The following TNRC18 variants were observed in gnomAD, a reference collection of about 807,000 sequenced individuals.
The protein encoded by TNRC18 is trinucleotide repeat containing 18, also known as trinucleotide repeat-containing gene 18 protein.
TNRC18 carries 69 observed loss-of-function variants against 226.7 expected under a neutral mutation model. The ratio of observed to expected loss-of-function variants is 0.30; its 90% CI spans 0.25 to 0.37. The LOEUF is 0.37. Ranked by LOEUF, TNRC18 falls within the 10% of genes least tolerant of loss-of-function variation. The pLI is 1.00. For missense variants in TNRC18, 4,754 were observed against 4,256.6 expected (o/e 1.12, Z -3.25); for synonymous variants, 2,449 against 1,927.6 (o/e 1.27, Z -7.09).
chr7:5,334,914 G>T (rs1789931229), intron 18 of TNRC18, among the ~76,000 whole-genome samples: 1 of 152,126 alleles, frequency 6.6e-6, no homozygotes, highest in African/African-American at 2.4e-5. Flanking sequence ...ACACAGCAGG[G>T]AAGGTGGGGC....
chr7:5,350,615 C>G (rs1791687497), intron 17 of TNRC18, among the ~76,000 whole-genome samples: 1 of 152,178 alleles, frequency 6.6e-6, no homozygotes, highest in Non-Finnish European at 1.5e-5. Flanking sequence ...AATCCTAAAA[C>G]CAGGGCTAGG....
At chr7:5,395,168 C>T (rs1020351222) in intron 2 of TNRC18, among the ~76,000 whole-genome samples, 1 of 152,182 alleles carries the variant, frequency 6.6e-6, no homozygotes, top group African/African-American at 2.4e-5. Context: ...CCAGGTCACA[C>T]AGCCAGAAAG....
rs1583710982 is a variant in TNRC18, at chr7:5,309,473, C to A, written c.8389-105G>T. 1 of 952,954 alleles carries A rather than the reference C, an allele frequency of 1.0e-6. No individual in the cohort carries two copies. Among genetic ancestry groups the A allele is most frequent in the South Asian group, 1.7e-5 (1 of 60,278 alleles). 59.0% of individuals were successfully genotyped at this position (952,954 alleles called of 1,614,324 possible). Reference sequence around the variant, plus strand: ...GACTCTGGGCCCTCGGCCTCTAAATCAACCCCTATCCAACTGTGGGGAGAT... The same window carrying A: ...GACTCTGGGCCCTCGGCCTCTAAATAAACCCCTATCCAACTGTGGGGAGAT... On this transcript the variant is annotated intron_variant, in intron 27 of 29. Coordinates refer to ENST00000430969, the MANE Select transcript of TNRC18 (RefSeq NM_001080495.3). The surrounding 1 kb of genome is among the most constrained non-coding windows in gnomAD (Gnocchi z 5.7).
At chr7:5,362,912 G>GC in intron 11 of TNRC18, 87 bp from the exon 12 acceptor site, 1 of 1,368,080 alleles carries the variant, frequency 7.3e-7, no homozygotes, top group Non-Finnish European at 9.6e-7. Context: ...GCAAGCGCAG[G>GC]CCCCAGGCCA....
chr7:5,323,712 C>A (rs546263386), intron 21 of TNRC18, among the ~76,000 whole-genome samples: 1 of 151,924 alleles, frequency 6.6e-6, no homozygotes, highest in African/African-American at 2.4e-5. Flanking sequence ...GGATTACAGG[C>A]GCCCGCCACC....
chr7:5,315,234 G>C (rs1188571923), intron 25 of TNRC18, 86 bp from the exon 26 acceptor site: 59 of 1,422,832 alleles, frequency 4.1e-5, no homozygotes, highest in Non-Finnish European at 5.3e-5. Flanking sequence ...CGGGGATCAG[G>C]GATGGGGGCG....
intron 24 of TNRC18, among the ~76,000 whole-genome samples, chr7:5,319,747 G>A (rs1788163587): frequency 6.6e-6 from 1 of 152,150 alleles, no homozygotes. Flanking sequence ...GACCTCAAGT[G>A]ATTCCACCCA....
At chr7:5,375,261 A>G (rs1277280475) in intron 9 of TNRC18, among the ~76,000 whole-genome samples, 2 of 152,190 alleles carry the variant, frequency 1.3e-5, no homozygotes, top group East Asian at 1.9e-4. Context: ...GTGACCCGAG[A>G]TAGTACCACT....
chr7:5,386,306 A>T (rs1779786352), intron 5 of TNRC18, among the ~76,000 whole-genome samples: 1 of 151,324 alleles, frequency 6.6e-6, no homozygotes, highest in African/African-American at 2.4e-5. Context: ...ACAAAAAAAA[A>T]GTGACACAGG....
At position 5,388,658 on chromosome 7, in the gene TNRC18, T is replaced by G; in HGVS notation, c.1166A>C (p.Gln389Pro). ...EAFDERPGPI[Q>P]IASQARDARA... is the part of the protein sequence containing the mutation. ...GGCATCGCGCGCCTGGGATGCGATC[T>G]GGATGGGCCCCGGGCGCTCGTCGAA... The change falls in exon 5 of 30, where the codon CAG becomes CCG. Residue 389 changes from glutamine to proline, a missense_variant. Transcript: ENST00000430969. 4 of 1,276,752 alleles carry G rather than the reference T, an allele frequency of 3.1e-6. No individual in the cohort carries two copies. Among genetic ancestry groups the G allele is most frequent in the Non-Finnish European group, 4.0e-6 (4 of 1,009,890 alleles). 79.1% of individuals were successfully genotyped at this position (1,276,752 alleles called of 1,614,324 possible).
In TNRC18 at chr7:5,409,935, G is replaced by A. The variant is rs544997272; in HGVS notation, c.187+11125C>T. Among the ~76,000 whole-genome samples, 33 of 149,594 alleles carry A rather than the reference G, an allele frequency of 2.2e-4. No homozygotes were observed. The East Asian group carries it at 6.3e-3, about 28-fold the overall frequency. On this transcript the variant is annotated intron_variant, in intron 2 of 29. Transcript: ENST00000430969. ...GAACCCGGGAGGTGGAGCTTGCAGT[G>A]AGCCGAGATCGCACCACTGCACTCC... is the stretch of plus-strand genomic sequence containing the variant.
chr7:5,410,739 G>C (rs967298898), intron 2 of TNRC18, among the ~76,000 whole-genome samples: 1 of 150,982 alleles, frequency 6.6e-6, no homozygotes, highest in Non-Finnish European at 1.5e-5. Flanking sequence ...GGTGGCATAA[G>C]CCTATAATCC....
intron 2 of TNRC18, among the ~76,000 whole-genome samples, chr7:5,409,848 A>C (rs1394606580): frequency 6.7e-6 from 1 of 149,092 alleles, no homozygotes; most frequent in Non-Finnish European, 1.5e-5. Flanking sequence ...AAAATTAGCC[A>C]GGCGTGGTGG....
rs1033937451 is a variant in TNRC18 at position 5,387,769 on chromosome 7, T to C, written c.2055A>G (p.Ala685=). The change falls in exon 5 of 30, where the codon GCA becomes GCG. Residue 685 remains alanine, a synonymous_variant. Coordinates refer to ENST00000430969, the MANE Select transcript of TNRC18 (RefSeq NM_001080495.3). ...AEVRHPPVGI[A]VAVARQKDSG... Reference sequence around the variant, plus strand: ...TGTCCTTCTGCCGGGCCACAGCCACTGCAATGCCCACAGGCGGGTGTCGCA... The same window carrying C: ...TGTCCTTCTGCCGGGCCACAGCCACCGCAATGCCCACAGGCGGGTGTCGCA... 3.7e-6 allele frequency: 6 copies of C among 1,608,300 alleles called. No individual in the cohort carries two copies. The highest frequency in any genetic ancestry group is 5.1e-6 in the Non-Finnish European group (6 of 1,179,812).
chr7:5,337,072 C>T (rs1221474943), intron 18 of TNRC18, among the ~76,000 whole-genome samples: 1 of 152,100 alleles, frequency 6.6e-6, no homozygotes, highest in Non-Finnish European at 1.5e-5. Flanking sequence ...AAATCCGCCA[C>T]GAGGCATGCC....
intron 21 of TNRC18, among the ~76,000 whole-genome samples, chr7:5,322,745 A>C (rs1392317570): frequency 1.3e-5 from 2 of 152,104 alleles, no homozygotes; most frequent in Non-Finnish European, 2.9e-5. Context: ...CTTCCTCCTC[A>C]GTGGGACCTT....
At chr7:5,322,028 C>T (rs1788422095) in intron 21 of TNRC18, among the ~76,000 whole-genome samples, 1 of 151,756 alleles carries the variant, frequency 6.6e-6, no homozygotes, top group South Asian at 2.1e-4. Context: ...ACCTGTAATC[C>T]CAGCACTTTG....
intron 16 of TNRC18, among the ~76,000 whole-genome samples, chr7:5,355,327 A>T (rs1211604274): frequency 6.6e-6 from 1 of 152,198 alleles, no homozygotes; most frequent in Admixed American, 6.5e-5. Flanking sequence ...GGAATGCTCC[A>T]TTTCAAGAGC....
chr7:5,329,073 T>G (rs1392778685), intron 19 of TNRC18, among the ~76,000 whole-genome samples: 2 of 151,756 alleles, frequency 1.3e-5, no homozygotes, highest in African/African-American at 2.4e-5. Flanking sequence ...GAGGCTGAGG[T>G]GGGCCGATCA....
Sources: gnomAD v4.1 joint callset for allele counts (sites outside exome capture counted in the v4.1 genomes callset) on GRCh38, gnomAD v4.1.1 for gene constraint, Gnocchi (gnomAD v3.1) non-coding constraint, MANE v1.5 for transcripts, NCBI Gene and HGNC (gene_info 2026-07-23, HGNC 2026-07-21) for gene names.